CAMTA1: variants seen among roughly 807,000 people sequenced by gnomAD.
The protein encoded by CAMTA1 is calmodulin-binding transcription activator 1.
CAMTA1 carries 27 observed loss-of-function variants against 170.9 expected under a neutral mutation model. The ratio of observed to expected loss-of-function variants is 0.16; its 90% CI spans 0.12 to 0.22. The LOEUF (loss-of-function observed/expected upper bound fraction) is 0.22. Among genes scored for constraint, CAMTA1 ranks in the 10% least tolerant of loss-of-function variants. The probability of loss-of-function intolerance (pLI) is 1.00; values close to 1 mark genes in which losing one functional copy is unlikely to be tolerated. For synonymous variants in CAMTA1, 833 were observed against 891.5 expected (o/e 0.93, Z 1.17); for missense variants, 1,619 against 2,217.2 (o/e 0.73, Z 5.42).
intron 3 of CAMTA1, among the ~76,000 whole-genome samples, chr1:6,875,035 C>T (rs1002833655): frequency 2.0e-5 from 3 of 152,184 alleles, no homozygotes; most frequent in Non-Finnish European, 4.4e-5. Context: ...CCACATTTAC[C>T]TACAAGGTGG....
intron 6 of CAMTA1, among the ~76,000 whole-genome samples, chr1:7,503,538 G>T (rs2094046024): frequency 6.6e-6 from 1 of 152,218 alleles, no homozygotes; most frequent in Admixed American, 6.5e-5. Flanking sequence ...ACCATTTCCA[G>T]GGTCAGGTGC....
chr1:6,915,756 G>A (rs1571674267), intron 3 of CAMTA1, among the ~76,000 whole-genome samples: 1 of 152,322 alleles, frequency 6.6e-6, no homozygotes, highest in East Asian at 1.9e-4. Context: ...GGAGTCAGTA[G>A]CATTCATGGT....
At chr1:7,672,786 C>T (rs1302742740) in intron 10 of CAMTA1, among the ~76,000 whole-genome samples, 1 of 152,106 alleles carries the variant, frequency 6.6e-6, no homozygotes, top group African/African-American at 2.4e-5. Context: ...CTGCACACTC[C>T]GCCTCTGCTT....
In CAMTA1 at chr1:6,892,042, T is replaced by C. The variant is rs557103942; in HGVS notation, c.234+66832T>C. Among the ~76,000 whole-genome samples, 261 of 152,364 alleles carry C rather than the reference T, an allele frequency of 1.7e-3. 1 individual carries two copies. Among genetic ancestry groups the C allele is most frequent in the African/African-American group, 6.1e-3 (253 of 41,580 alleles). On this transcript the variant is annotated intron_variant, in intron 3 of 22. Transcript: ENST00000303635. Reference sequence around the variant, plus strand: ...TCCTGAGCACCAGCCCACCCACTTCTGCCATCAGGAGGCTTTGAAACTGCT... The same window carrying C: ...TCCTGAGCACCAGCCCACCCACTTCCGCCATCAGGAGGCTTTGAAACTGCT...
intron 3 of CAMTA1, among the ~76,000 whole-genome samples, chr1:7,068,192 C>G (rs1021676494): frequency 4.6e-5 from 7 of 152,154 alleles, no homozygotes; most frequent in African/African-American, 1.7e-4. Context: ...CATCTGCCCT[C>G]GTATTCATGC....
At chr1:7,761,838 T>C (rs1247554370) in intron 22 of CAMTA1, among the ~76,000 whole-genome samples, 1 of 151,546 alleles carries the variant, frequency 6.6e-6, no homozygotes, top group Non-Finnish European at 1.5e-5. Context: ...AACAGACAGA[T>C]AGAAAACGAT....
intron 6 of CAMTA1, among the ~76,000 whole-genome samples, chr1:7,600,132 T>C (rs2095429037): frequency 6.6e-6 from 1 of 152,096 alleles, no homozygotes; most frequent in South Asian, 2.1e-4. Flanking sequence ...CCTAATTTAT[T>C]GAGAGTTTTC....
At position 7,313,514 on chromosome 1, in the gene CAMTA1, A is replaced by G. The variant is rs185810919; in HGVS notation, c.438+63888A>G. On this transcript the variant is annotated intron_variant, in intron 5 of 22. Transcript: ENST00000303635. The stretch of plus-strand genomic sequence containing the variant: ...TGTAACCCTGTTAGACCTTTATTGC[A>G]TTGGTCGGCCCTTCTCCAGACACTG... Among the ~76,000 whole-genome samples, 465 of 152,222 alleles carry G rather than the reference A, an allele frequency of 3.1e-3. 6 individuals are homozygous for G. The highest frequency in any genetic ancestry group is 3.9e-3 in the South Asian group (19 of 4,820).
intron 5 of CAMTA1, among the ~76,000 whole-genome samples, chr1:7,402,358 A>T (rs934104850): frequency 2.0e-5 from 3 of 152,040 alleles, no homozygotes; most frequent in African/African-American, 7.2e-5. Flanking sequence ...TATTTTAACC[A>T]TCTGAGAGAT....
intron 5 of CAMTA1, among the ~76,000 whole-genome samples, chr1:7,407,217 G>A (rs768469239): frequency 2.6e-5 from 4 of 152,198 alleles, no homozygotes; most frequent in Admixed American, 6.5e-5. Flanking sequence ...AGCACCTGTC[G>A]ACTGGCAAGG....
rs541745227 is a variant in CAMTA1, at chr1:7,656,578, C to T, written c.665-5148C>T. ...CAGTTCATGACAGAGGAAAATAGGACGGCCCTACCGTGGCTCAGGCTTAGC... is the reference window on the plus strand; with the variant it reads ...CAGTTCATGACAGAGGAAAATAGGATGGCCCTACCGTGGCTCAGGCTTAGC... On this transcript the variant is annotated intron_variant, in intron 7 of 22. Transcript: ENST00000303635. Among the ~76,000 whole-genome samples, 3 of 152,332 alleles carry T rather than the reference C, an allele frequency of 2.0e-5. No homozygotes were observed. In the East Asian group the frequency reaches 5.8e-4, roughly 29 times the overall value.
chr1:7,329,895 A>G (rs2082914765), intron 5 of CAMTA1, among the ~76,000 whole-genome samples: 1 of 152,158 alleles, frequency 6.6e-6, no homozygotes, highest in Non-Finnish European at 1.5e-5. Context: ...ACTGGCAAAA[A>G]TACACATGAT....
rs904660731 is a variant in CAMTA1, at chr1:7,286,354, G to A, written c.438+36728G>A. Reference sequence around the variant, plus strand: ...ACGATTCTTGATTTGAGGTCTATGGGTGGTCCTGGAAGATCGTCATGGGGG... The same window carrying A: ...ACGATTCTTGATTTGAGGTCTATGGATGGTCCTGGAAGATCGTCATGGGGG... On this transcript the variant is annotated intron_variant, in intron 5 of 22. Transcript: ENST00000303635. This position sits in a 1 kb window ranked among gnomAD's most constrained non-coding sequence, Gnocchi z 4.2. 1.3e-5 allele frequency among the ~76,000 whole-genome samples: 2 copies of A among 152,198 alleles called. No individual in the cohort carries two copies. The highest frequency in any genetic ancestry group is 4.8e-5 in the African/African-American group (2 of 41,450).
intron 4 of CAMTA1, among the ~76,000 whole-genome samples, chr1:7,167,365 T>C (rs902867978): frequency 3.9e-5 from 6 of 152,186 alleles, no homozygotes; most frequent in African/African-American, 1.2e-4. Context: ...AGTCTGTCCA[T>C]AGATGATTCC....
At chr1:7,123,151 A>G (rs1258044386) in intron 4 of CAMTA1, among the ~76,000 whole-genome samples, 2 of 152,152 alleles carry the variant, frequency 1.3e-5, no homozygotes, top group African/African-American at 2.4e-5. Flanking sequence ...AGCTTCAACA[A>G]TAACCATTTC....
chr1:7,614,036 G>A (rs991297051), intron 6 of CAMTA1, among the ~76,000 whole-genome samples: 3 of 149,054 alleles, frequency 2.0e-5, no homozygotes, highest in African/African-American at 2.5e-5. Flanking sequence ...GGGGAGCGAT[G>A]GGTGGTTGGG....
chr1:6,898,387 A>G (rs1676119590), intron 3 of CAMTA1, among the ~76,000 whole-genome samples: 1 of 152,110 alleles, frequency 6.6e-6, no homozygotes, highest in Admixed American at 6.5e-5. Flanking sequence ...CCCCGTCTCT[A>G]CTAAAAATAG....
rs982887215 is a variant in CAMTA1, at chr1:7,248,319, G to A, written c.303-1172G>A. ...TTATGGTTTCCTCGCCTCCGTTGTA[G>A]CAGAGCAACATACAAGCCAGGCTGA... On this transcript the variant is annotated intron_variant, in intron 4 of 22. Transcript: ENST00000303635. This position sits in a 1 kb window ranked among gnomAD's most constrained non-coding sequence, Gnocchi z 4.0. Among the ~76,000 whole-genome samples the A allele has an allele frequency of 6.6e-6, 1 of 152,204 alleles. No individual in the cohort carries two copies. The highest frequency in any genetic ancestry group is 1.5e-5 in the Non-Finnish European group (1 of 68,048).
intron 5 of CAMTA1, among the ~76,000 whole-genome samples, chr1:7,451,614 C>T (rs538912209): frequency 1.3e-5 from 2 of 152,272 alleles, no homozygotes; most frequent in African/African-American, 4.8e-5. Flanking sequence ...AGCCTAGCCT[C>T]TCCCTGAGAA....
Sources: allele counts gnomAD v4.1 joint callset (sites outside exome capture counted in the v4.1 genomes callset), GRCh38; gene constraint gnomAD v4.1.1; non-coding constraint Gnocchi (gnomAD v3.1); transcripts MANE v1.5; gene names NCBI Gene and HGNC (gene_info 2026-07-23, HGNC 2026-07-21).